Variants in ABCG2 observed in about 807,000 individuals in gnomAD.
ABCG2 encodes the protein broad substrate specificity ATP-binding cassette transporter ABCG2.
Under a neutral mutation model 73.5 loss-of-function variants are expected in ABCG2, and 80 were observed. That is an observed-to-expected ratio of 1.09 (90% CI 0.91 to 1.31). The LOEUF (loss-of-function observed/expected upper bound fraction) is 1.31. ABCG2 is among the 50% of genes most tolerant of loss of function. The probability of loss-of-function intolerance (pLI) is 0.00; values close to 1 mark genes in which losing one functional copy is unlikely to be tolerated. For missense variants in ABCG2, 796 were observed against 786.2 expected (o/e 1.01, Z -0.15); for synonymous variants, 269 against 282.4 (o/e 0.95, Z 0.48).
chr4:88,152,489 GT>G (rs1726569574), intron 1 of ABCG2, among the ~76,000 whole-genome samples: 2 of 152,220 alleles, frequency 1.3e-5, no homozygotes, highest in Non-Finnish European at 2.9e-5. Context: ...GGTAAAGGGG[GT>G]TTGTTCTCTG....
At chr4:88,167,890 G>A (rs1274884138) in intron 1 of ABCG2, among the ~76,000 whole-genome samples, 3 of 152,158 alleles carry the variant, frequency 2.0e-5, no homozygotes, top group Non-Finnish European at 4.4e-5. Context: ...TCCTGGAGAT[G>A]GAGTTGAGAT....
chr4:88,202,366 ATATATATATATG>A (rs1560754015), intron 1 of ABCG2, among the ~76,000 whole-genome samples: 1 of 122,966 alleles, frequency 8.1e-6, no homozygotes, highest in African/African-American at 3.0e-5. Context: ...ATATATATAT[ATATATATATATG>A]TATATTTTAA....
chr4:88,157,957 C>T (rs969172242), intron 1 of ABCG2, among the ~76,000 whole-genome samples: 12 of 152,158 alleles, frequency 7.9e-5, no homozygotes, highest in African/African-American at 2.9e-4. Context: ...AAGGGATTGA[C>T]CAATAATTTG....
chr4:88,177,875 C>T (rs747968040), intron 1 of ABCG2, among the ~76,000 whole-genome samples: 6 of 152,060 alleles, frequency 3.9e-5, no homozygotes, highest in African/African-American at 2.4e-5. Context: ...AGCATTTAGA[C>T]CAGAGGTAAC....
In ABCG2 at chr4:88,121,753, T is replaced by C; in HGVS notation, c.571A>G (p.Arg191Gly). ...TCCATTCCTATACTAGTCCTTTTTC[T>C]TTCTCCTCCAGACACACCACGGATA... is the stretch of plus-strand genomic sequence containing the variant. ...QFIRGVSGGERKRTSIGMELI... is the reference protein window; with the variant it reads ...QFIRGVSGGEGKRTSIGMELI... The change falls in exon 6 of 16, where the codon AGA becomes GGA. Residue 191 changes from arginine (R) to glycine (G), a missense_variant. Physicochemically the swap from Arg to Gly is moderately radical, Grantham distance 125. Coordinates refer to ENST00000237612, the MANE Select transcript of ABCG2 (RefSeq NM_004827.3). 1 of 1,614,040 alleles carries C rather than the reference T, an allele frequency of 6.2e-7. No individual in the cohort carries two copies. The highest frequency in any genetic ancestry group is 8.5e-7 in the Non-Finnish European group (1 of 1,179,914).
chr4:88,096,233 T>C (rs1044710976), intron 13 of ABCG2, among the ~76,000 whole-genome samples: 1 of 152,160 alleles, frequency 6.6e-6, no homozygotes, highest in African/African-American at 2.4e-5. Flanking sequence ...AATAGCGCAA[T>C]GGAGATGCCA....
chr4:88,101,441 C>T, intron 10 of ABCG2, 122 bp from the exon 11 acceptor site: 1 of 872,770 alleles, frequency 1.1e-6, no homozygotes, highest in Admixed American at 2.1e-5. Context: ...AAAAGGGAAA[C>T]TGTTCTGGTT....
intron 1 of ABCG2, among the ~76,000 whole-genome samples, chr4:88,176,587 C>A (rs555994550): frequency 6.8e-6 from 1 of 146,592 alleles, no homozygotes. Flanking sequence ...CTCAGGTGAT[C>A]CTCTCACCTC....
Position 88,113,549 on chromosome 4 carries a change from T to C in ABCG2, c.948A>G (p.Thr316=). ...CCTGCTTGGAAGGCTCTATGATCTCTGTGGCTTTGCAATCAGTGGATAAAA... is the reference window on the plus strand; with the variant it reads ...CCTGCTTGGAAGGCTCTATGATCTCCGTGGCTTTGCAATCAGTGGATAAAA... The part of the protein sequence containing the change: ...ALNREEDFKA[T]EIIEPSKQDK... Residue 316 remains threonine (T), a synonymous_variant, in exon 9 of 16, where the codon ACA becomes ACG. Coordinates refer to ENST00000237612, the MANE Select transcript of ABCG2 (RefSeq NM_004827.3). 1 of 1,610,556 alleles carries C rather than the reference T, an allele frequency of 6.2e-7. No homozygotes were observed. The highest frequency in any genetic ancestry group is 1.1e-5 in the South Asian group (1 of 90,570).
chr4:88,206,975 A>G (rs1429807527), intron 1 of ABCG2, among the ~76,000 whole-genome samples: 1 of 152,160 alleles, frequency 6.6e-6, no homozygotes, highest in African/African-American at 2.4e-5. Context: ...GCGTATTTTC[A>G]GTAGAGACGG....
chr4:88,191,630 C>G (rs1207874096), intron 1 of ABCG2, among the ~76,000 whole-genome samples: 3 of 152,108 alleles, frequency 2.0e-5, no homozygotes, highest in Admixed American at 2.0e-4. Flanking sequence ...CAAATGACAG[C>G]CTATGTTTAC....
At chr4:88,167,575 A>G (rs934216994) in intron 1 of ABCG2, among the ~76,000 whole-genome samples, 1 of 151,974 alleles carries the variant, frequency 6.6e-6, no homozygotes, top group Non-Finnish European at 1.5e-5. Context: ...GGGTTTCACC[A>G]TATTGGCCAG....
chr4:88,148,051 G>C (rs538790824), intron 1 of ABCG2, among the ~76,000 whole-genome samples: 1 of 152,316 alleles, frequency 6.6e-6, no homozygotes, highest in African/African-American at 2.4e-5. Context: ...CAAGACCTGC[G>C]AGGTGGGAGG....
chr4:88,178,337 G>A (rs918685996), intron 1 of ABCG2, among the ~76,000 whole-genome samples: 8 of 152,124 alleles, frequency 5.3e-5, no homozygotes, highest in African/African-American at 1.9e-4. Context: ...TGCCTTGAAG[G>A]GAAAAACACA....
At chr4:88,229,109 T>A (rs1448529636) in intron 1 of ABCG2, among the ~76,000 whole-genome samples, 1 of 152,196 alleles carries the variant, frequency 6.6e-6, no homozygotes. Flanking sequence ...TCATAATAAA[T>A]CTTGCTGCTG....
At chr4:88,178,170 T>C (rs1240158730) in intron 1 of ABCG2, among the ~76,000 whole-genome samples, 1 of 152,142 alleles carries the variant, frequency 6.6e-6, no homozygotes, top group Non-Finnish European at 1.5e-5. Context: ...AACTCCTCCC[T>C]TCCACTTGAG....
intron 1 of ABCG2, among the ~76,000 whole-genome samples, chr4:88,208,234 A>G (rs762871881): frequency 6.6e-6 from 1 of 152,234 alleles, no homozygotes; most frequent in Non-Finnish European, 1.5e-5. Context: ...ATAATTCAGT[A>G]TATATAATCA....
chr4:88,111,875 G>A (rs540197133), intron 9 of ABCG2, among the ~76,000 whole-genome samples: 7 of 152,136 alleles, frequency 4.6e-5, no homozygotes, highest in African/African-American at 1.7e-4. Flanking sequence ...AGGATCGCTT[G>A]AGCCCAGGAG....
chr4:88,123,022 T>A (rs1055150112), intron 5 of ABCG2, among the ~76,000 whole-genome samples: 1 of 152,172 alleles, frequency 6.6e-6, no homozygotes, highest in African/African-American at 2.4e-5. Context: ...CTGCTGGTGA[T>A]ACCCAGGCAA....
Sources: allele counts gnomAD v4.1 joint callset (sites outside exome capture counted in the v4.1 genomes callset), GRCh38; gene constraint gnomAD v4.1.1; transcripts MANE v1.5; gene names NCBI Gene and HGNC (gene_info 2026-07-23, HGNC 2026-07-21).